Variants in FREM2 observed in about 807,000 individuals in gnomAD.
FREM2 encodes the protein FRAS1 related extracellular matrix 2, also known as FRAS1-related extracellular matrix protein 2.
A neutral mutation model predicts 219.9 loss-of-function variants in FREM2; 119 were observed. The ratio of observed to expected loss-of-function variants is 0.54; its 90% confidence interval spans 0.47 to 0.63. The LOEUF is 0.63. Ranked by LOEUF, FREM2 falls within the 30% of genes least tolerant of loss-of-function variation. FREM2 has a pLI of 0.00. For missense variants in FREM2, 4,030 were observed against 3,993.6 expected, an observed-to-expected ratio of 1.01 and a Z score of -0.25; for synonymous variants, 1,562 against 1,522.8, an observed-to-expected ratio of 1.03 and a Z score of -0.60.
chr13:38,737,031 T>C (rs1448737021), intron 2 of FREM2, among the ~76,000 whole-genome samples: 1 of 152,178 alleles, frequency 6.6e-6, no homozygotes, highest in Non-Finnish European at 1.5e-5. Context: ...CACATTCTCA[T>C]CATGGGAACC....
In FREM2 at chr13:38,691,055, C is replaced by T; in HGVS notation, c.3711C>T (p.His1237=). 2 of 1,614,114 alleles carry T rather than the reference C, an allele frequency of 1.2e-6. No individual in the cohort carries two copies. Among genetic ancestry groups the T allele is most frequent in the Non-Finnish European group, 1.7e-6 (2 of 1,180,012 alleles). The part of the protein sequence containing the change: ...FTITQFPTHG[H]IMNQLINGTV... ...TTACCCAATTCCCCACTCATGGTCA[C>T]ATCATGAATCAGCTGATAAATGGCA... The change falls in exon 1 of 24, where the codon CAC becomes CAT. Residue 1237 remains histidine (H), a synonymous_variant. Transcript: ENST00000280481.
chr13:38,717,035 C>T (rs915017197), intron 2 of FREM2, among the ~76,000 whole-genome samples: 3 of 152,240 alleles, frequency 2.0e-5, no homozygotes, highest in African/African-American at 4.8e-5. Flanking sequence ...TTTGACTAAC[C>T]GTGAAGCAGA....
rs187959141 is a variant in FREM2, at chr13:38,770,822, A to G, written c.5641+1014A>G. On this transcript the variant is annotated intron_variant, in intron 4 of 23. Transcript: ENST00000280481. ...CCTTTTTATTCCCCGTCATACTTCT[A>G]CAGTCCTGGCTTGTCTTGATCTAGT... 2.1e-3 allele frequency among the ~76,000 whole-genome samples: 326 copies of G among 152,242 alleles called. 1 individual carries two copies. Among genetic ancestry groups the G allele is most frequent in the African/African-American group, 7.5e-3 (312 of 41,530 alleles).
At chr13:38,790,010 G>GA (rs1465198243) in intron 6 of FREM2, among the ~76,000 whole-genome samples, 1 of 152,050 alleles carries the variant, frequency 6.6e-6, no homozygotes, top group Non-Finnish European at 1.5e-5. Context: ...CTAGTTCAGG[G>GA]ATTAAACCCT....
intron 4 of FREM2, among the ~76,000 whole-genome samples, chr13:38,781,511 A>G (rs976149736): frequency 1.3e-5 from 2 of 152,006 alleles, no homozygotes; most frequent in South Asian, 4.1e-4. Flanking sequence ...CAACTATAAT[A>G]AAAACCCTAT....
intron 2 of FREM2, among the ~76,000 whole-genome samples, chr13:38,733,341 G>A (rs1871846599): frequency 6.7e-6 from 1 of 149,652 alleles, no homozygotes; most frequent in Non-Finnish European, 1.5e-5. Context: ...ATGATGGTAA[G>A]ATTCAATGAA....
At chr13:38,830,149 A>G (rs182942066) in intron 6 of FREM2, among the ~76,000 whole-genome samples, 1 of 152,278 alleles carries the variant, frequency 6.6e-6, no homozygotes, top group African/African-American at 2.4e-5. Flanking sequence ...TTAAAGAAAT[A>G]TATCATACAA....
rs545812275 is a variant in FREM2 at position 38,804,284 on chromosome 13, A to G, written c.6019+19476A>G. ...AGTGCCAACAAAGTGAAAGCATTCC[A>G]GGGATTCACTGAATAGTAAAAATTA... On this transcript the variant is annotated intron_variant, in intron 6 of 23. Coordinates refer to ENST00000280481, the MANE Select transcript of FREM2 (RefSeq NM_207361.6). Among the ~76,000 whole-genome samples, 73 of 151,838 alleles carry G rather than the reference A, an allele frequency of 4.8e-4. 1 individual carries two copies. The highest frequency in any genetic ancestry group is 1.6e-3 in the African/African-American group (66 of 41,362).
At position 38,690,014 on chromosome 13, in the gene FREM2, C is replaced by T. The variant is rs1200265676; in HGVS notation, c.2670C>T (p.Phe890=). 1.2e-6 allele frequency: 2 copies of T among 1,614,008 alleles called. No individual in the cohort carries two copies. Among genetic ancestry groups the T allele is most frequent in the Non-Finnish European group, 1.7e-6 (2 of 1,180,036 alleles). ...AGATCCTGCATGTAGGGGGTCTCTT[C>T]CACTTGGAGGACATAAAACAGGGCC... ...SGQILHVGGL[F]HLEDIKQGRV... is the part of the protein sequence containing the mutation. Residue 890 remains phenylalanine (F), a synonymous_variant, in exon 1 of 24, where the codon TTC becomes TTT. Transcript: ENST00000280481.
intron 2 of FREM2, among the ~76,000 whole-genome samples, chr13:38,698,584 T>C (rs1870210659): frequency 6.6e-6 from 1 of 152,128 alleles, no homozygotes; most frequent in Admixed American, 6.6e-5. Context: ...CAAAAGAACC[T>C]CCCCTAGTAC....
chr13:38,739,981 A>T, intron 2 of FREM2, among the ~76,000 whole-genome samples: 1 of 152,218 alleles, frequency 6.6e-6, no homozygotes, highest in African/African-American at 2.4e-5. Context: ...TAGCAAAATA[A>T]TTATCCTTCA....
chr13:38,816,164 C>T (rs907516040), intron 6 of FREM2, among the ~76,000 whole-genome samples: 1 of 152,140 alleles, frequency 6.6e-6, no homozygotes, highest in Non-Finnish European at 1.5e-5. Context: ...TAATAAAGAA[C>T]TAATACCAAT....
intron 2 of FREM2, among the ~76,000 whole-genome samples, chr13:38,751,192 CTTTT>C (rs149240272): frequency 1.5e-5 from 2 of 136,060 alleles, no homozygotes; most frequent in Non-Finnish European, 1.6e-5. Context: ...TATGACAGTT[CTTTT>C]TTTTTTTTTT....
Position 38,687,750 on chromosome 13 carries a change from G to GTGCGCT in FREM2, c.407_412dup (p.Arg137_Tyr138insLeuArg). The GTGCGCT allele has an allele frequency of 6.5e-7, 1 of 1,543,576 alleles. No individual in the cohort carries two copies. Among genetic ancestry groups the GTGCGCT allele is most frequent in the Non-Finnish European group, 8.8e-7 (1 of 1,142,328 alleles). On this transcript the variant is annotated inframe_insertion, in exon 1 of 24. Transcript: ENST00000280481. ...CCCGTGCGACTTTGGCCCTGGCGAG[G>GTGCGCT]TGCGCTACTCTCACCTGGGCGCGCG...
chr13:38,773,592 T>C (rs1193246875), intron 4 of FREM2, among the ~76,000 whole-genome samples: 1 of 152,104 alleles, frequency 6.6e-6, no homozygotes, highest in African/African-American at 2.4e-5. Context: ...GTTTGTTTTT[T>C]TGATTGGTTG....
rs751438131 is a variant in FREM2 at position 38,688,396 on chromosome 13, C to G, written c.1052C>G (p.Pro351Arg). 1 of 1,613,814 alleles carries G rather than the reference C, an allele frequency of 6.2e-7. No individual in the cohort carries two copies. The highest frequency in any genetic ancestry group is 2.2e-5 in the East Asian group (1 of 44,872). The part of the protein sequence containing the change: ...DMLAAEDAES[P>R]SDLLIFNLTS... ...CTGGCAGCCGAGGATGCTGAGTCTCCCTCTGACCTGTTGATCTTCAACCTT... is the reference window on the plus strand; with the variant it reads ...CTGGCAGCCGAGGATGCTGAGTCTCGCTCTGACCTGTTGATCTTCAACCTT... Residue 351 changes from proline to arginine, a missense_variant, in exon 1 of 24, where the codon CCC becomes CGC. By Grantham distance (103) the Pro-to-Arg change is moderately radical (BLOSUM62 -2). Around this residue, in one of 2 missense-constraint regions of FREM2, gnomAD observed 3,102 missense variants for 2,950.7 expected, o/e 1.05. Coordinates refer to ENST00000280481, the MANE Select transcript of FREM2 (RefSeq NM_207361.6).
chr13:38,764,656 G>T (rs1386349720), intron 3 of FREM2, among the ~76,000 whole-genome samples: 1 of 151,966 alleles, frequency 6.6e-6, no homozygotes, highest in Non-Finnish European at 1.5e-5. Context: ...TCTTTTTCTG[G>T]TATAAAAATT....
chr13:38,825,230 A>G (rs561526857), intron 6 of FREM2, among the ~76,000 whole-genome samples: 1 of 152,214 alleles, frequency 6.6e-6, no homozygotes, highest in East Asian at 1.9e-4. Flanking sequence ...CTTCGAAAAC[A>G]AGGGCTGTGT....
intron 2 of FREM2, among the ~76,000 whole-genome samples, chr13:38,719,315 G>A (rs1026432317): frequency 1.3e-5 from 2 of 152,158 alleles, no homozygotes; most frequent in Non-Finnish European, 2.9e-5. Context: ...CCGCCTCCTA[G>A]GTTCAAGTGA....
Sources: gnomAD v4.1 joint callset for allele counts (sites outside exome capture counted in the v4.1 genomes callset) on GRCh38, gnomAD v4.1.1 for gene constraint, gnomAD v4.1.1 regional missense constraint, MANE v1.5 for transcripts, NCBI Gene and HGNC (gene_info 2026-07-23, HGNC 2026-07-21) for gene names.